The following SAMD12 variants were observed in gnomAD, a reference collection of about 807,000 sequenced individuals.
The protein encoded by SAMD12 is sterile alpha motif domain-containing protein 12.
SAMD12 carries 9 observed loss-of-function variants against 15.0 expected under a neutral mutation model. That is an observed-to-expected ratio of 0.60 (90% confidence interval 0.36 to 1.05). The LOEUF (loss-of-function observed/expected upper bound fraction) is 1.05, where lower values mean the gene tolerates loss of function less well. SAMD12 is among the 50% of genes least tolerant of loss of function. The probability of loss-of-function intolerance (pLI) is 0.01; values close to 1 mark genes in which losing one functional copy is unlikely to be tolerated. For missense variants in SAMD12, 230 were observed against 234.2 expected, an observed-to-expected ratio of 0.98 and a Z score of 0.12; for synonymous variants, 86 against 90.1, an observed-to-expected ratio of 0.96 and a Z score of 0.25.
At chr8:118,428,933 C>T (rs1822317027) in intron 3 of SAMD12, among the ~76,000 whole-genome samples, 1 of 152,094 alleles carries the variant, frequency 6.6e-6, no homozygotes, top group Non-Finnish European at 1.5e-5. Context: ...CGTCTTTGCA[C>T]TTCTATACAA....
At chr8:118,344,742 T>C (rs971423445) in intron 4 of SAMD12, among the ~76,000 whole-genome samples, 1 of 152,216 alleles carries the variant, frequency 6.6e-6, no homozygotes, top group African/African-American at 2.4e-5. Context: ...ATCTCCATTT[T>C]TTAGTGGAAT....
chr8:118,353,719 A>G (rs752439491), intron 4 of SAMD12, among the ~76,000 whole-genome samples: 8 of 151,524 alleles, frequency 5.3e-5, no homozygotes, highest in Non-Finnish European at 1.0e-4. Context: ...TCCTTTCCCC[A>G]CCCCTCCCTC....
chr8:118,546,190 A>G (rs918413480), intron 2 of SAMD12, among the ~76,000 whole-genome samples: 1 of 152,160 alleles, frequency 6.6e-6, no homozygotes, highest in African/African-American at 2.4e-5. Flanking sequence ...GGACTAAACC[A>G]AGCCTTAGGT....
chr8:118,207,064 G>T (rs930817001), intron 4 of SAMD12, among the ~76,000 whole-genome samples: 4 of 152,178 alleles, frequency 2.6e-5, no homozygotes, highest in African/African-American at 9.6e-5. Context: ...GGGAGGCCAG[G>T]ATATTGTTCT....
At chr8:118,288,124 G>A (rs554014383) in intron 4 of SAMD12, 1 of 152,264 alleles carries the variant, frequency 6.6e-6, no homozygotes, top group South Asian at 2.1e-4. Flanking sequence ...AAGAAGTGAC[G>A]ATAATACTAG....
intron 3 of SAMD12, among the ~76,000 whole-genome samples, chr8:118,431,643 T>C (rs908552254): frequency 3.9e-5 from 6 of 152,000 alleles, no homozygotes; most frequent in African/African-American, 1.4e-4. Context: ...TGATGTTTGT[T>C]GTTTGTTTTT....
rs183084651 is a variant in SAMD12 at position 118,406,494 on chromosome 8, G to A, written c.323-26794C>T. ...TTGCCATGTTGTCCAGGCTAGTCTCGAACACCTGACCTCAGGTGATCCACC... is the reference window on the plus strand; with the variant it reads ...TTGCCATGTTGTCCAGGCTAGTCTCAAACACCTGACCTCAGGTGATCCACC... On this transcript the variant is annotated intron_variant, in intron 3 of 3. Coordinates refer to ENST00000314727, the MANE Select transcript of SAMD12 (RefSeq NM_207506.3). 5.4e-3 allele frequency among the ~76,000 whole-genome samples: 815 copies of A among 151,982 alleles called. 5 individuals carry two copies. Among genetic ancestry groups the A allele is most frequent in the African/African-American group, 0.019 (772 of 41,438 alleles).
At chr8:118,400,026 T>G (rs929678520) in intron 3 of SAMD12, among the ~76,000 whole-genome samples, 8 of 152,258 alleles carry the variant, frequency 5.3e-5, no homozygotes, top group African/African-American at 1.4e-4. Flanking sequence ...ATTGATTTTA[T>G]GTGTGCCTCA....
chr8:118,402,760 G>A (rs1272372039), intron 3 of SAMD12, among the ~76,000 whole-genome samples: 1 of 152,168 alleles, frequency 6.6e-6, no homozygotes. Flanking sequence ...AACAGACGCT[G>A]GCATTCACTA....
chr8:118,243,950 C>T (rs1033438941), intron 4 of SAMD12, among the ~76,000 whole-genome samples: 1 of 152,124 alleles, frequency 6.6e-6, no homozygotes, highest in African/African-American at 2.4e-5. Flanking sequence ...CTTCTCTTCC[C>T]TGGCACACAG....
chr8:118,527,646 G>A (rs1223160536), intron 2 of SAMD12, among the ~76,000 whole-genome samples: 1 of 152,118 alleles, frequency 6.6e-6, no homozygotes, highest in African/African-American at 2.4e-5. Context: ...TAGCTGAAAT[G>A]ATCTGAGAGT....
chr8:118,213,068 A>G (rs551010957), intron 4 of SAMD12, among the ~76,000 whole-genome samples: 9 of 152,232 alleles, frequency 5.9e-5, no homozygotes, highest in Non-Finnish European at 8.8e-5. Context: ...AAAGAGATAA[A>G]ATACTGAATT....
At chr8:118,482,745 T>C (rs927090558) in intron 2 of SAMD12, among the ~76,000 whole-genome samples, 4 of 152,186 alleles carry the variant, frequency 2.6e-5, no homozygotes, top group African/African-American at 4.8e-5. Flanking sequence ...ACGTATTTTA[T>C]TGCTTGCTTT....
chr8:118,478,681 C>T (rs1341969006), intron 2 of SAMD12, among the ~76,000 whole-genome samples: 1 of 152,150 alleles, frequency 6.6e-6, no homozygotes, highest in South Asian at 2.1e-4. Context: ...TGCTATTCAC[C>T]ACCACTCTGG....
intron 2 of SAMD12, among the ~76,000 whole-genome samples, chr8:118,500,067 C>CTTTTTTTTTTT (rs563321387): frequency 1.5e-4 from 11 of 72,568 alleles, no homozygotes; most frequent in African/African-American, 2.3e-4. Flanking sequence ...TGAGTTTTGC[C>CTTTTTTTTTTT]TTTTTTTTTT....
intron 4 of SAMD12, among the ~76,000 whole-genome samples, chr8:118,209,911 C>A (rs1179868689): frequency 1.3e-5 from 2 of 152,188 alleles, no homozygotes; most frequent in Non-Finnish European, 2.9e-5. Flanking sequence ...AGCCAAGACC[C>A]CCCTACCTTT....
intron 4 of SAMD12, among the ~76,000 whole-genome samples, chr8:118,336,647 A>G (rs1051858801): frequency 6.6e-6 from 1 of 152,144 alleles, no homozygotes; most frequent in African/African-American, 2.4e-5. Context: ...CAACAGTGTA[A>G]AAGTGTTCCT....
chr8:118,305,438 C>T (rs934733563), intron 4 of SAMD12, among the ~76,000 whole-genome samples: 1 of 152,106 alleles, frequency 6.6e-6, no homozygotes, highest in African/African-American at 2.4e-5. Flanking sequence ...CAAGATTTCT[C>T]TCTGTTATAG....
intron 4 of SAMD12, among the ~76,000 whole-genome samples, chr8:118,275,707 T>C (rs1222602866): frequency 6.6e-6 from 1 of 152,124 alleles, no homozygotes; most frequent in Non-Finnish European, 1.5e-5. Context: ...TTTGACCCCA[T>C]CCCTCTCTCT....
Sources: gnomAD v4.1 joint callset for allele counts (sites outside exome capture counted in the v4.1 genomes callset) on GRCh38, gnomAD v4.1.1 for gene constraint, MANE v1.5 for transcripts, NCBI Gene and HGNC (gene_info 2026-07-23, HGNC 2026-07-21) for gene names.